EMB: variants seen among roughly 807,000 people sequenced by gnomAD.
EMB encodes embigin homolog.
Under a neutral mutation model 41.4 loss-of-function variants are expected in EMB, and 31 were observed. The ratio of observed to expected loss-of-function variants is 0.75; its 90% confidence interval spans 0.56 to 1.01. The LOEUF is 1.01. EMB is among the 50% of genes least tolerant of loss of function. The pLI is 0.00. For synonymous variants in EMB, 137 were observed against 140.4 expected (o/e 0.98, Z 0.17); for missense variants, 379 against 388.3 (o/e 0.98, Z 0.20).
intron 1 of EMB, among the ~76,000 whole-genome samples, chr5:50,439,753 A>T (rs1218243051): frequency 6.6e-6 from 1 of 152,216 alleles, no homozygotes; most frequent in Non-Finnish European, 1.5e-5. Context: ...CCTTTTGATT[A>T]TCCTTCCTTC....
At chr5:50,402,124 C>A (rs190758386) in intron 7 of EMB, among the ~76,000 whole-genome samples, 162 bp downstream of exon 7, 1 of 151,898 alleles carries the variant, frequency 6.6e-6, no homozygotes, top group African/African-American at 2.4e-5. Context: ...AGAATTCTCA[C>A]GCAGGTAGGC....
At chr5:50,413,265 A>C (rs1745374105) in intron 2 of EMB, among the ~76,000 whole-genome samples, 1 of 152,188 alleles carries the variant, frequency 6.6e-6, no homozygotes, top group African/African-American at 2.4e-5. Context: ...AAATCATACA[A>C]ATATACCATA....
intron 4 of EMB, among the ~76,000 whole-genome samples, chr5:50,406,337 CA>C (rs1224180291): frequency 4.0e-5 from 6 of 151,256 alleles, no homozygotes; most frequent in African/African-American, 1.5e-4. Context: ...GAACAAGGAA[CA>C]AAGGAAAATT....
In EMB at chr5:50,397,598, A is replaced by G. The variant is rs1251969810; in HGVS notation, c.*1675T>C. 6.6e-6 allele frequency: 1 copy of G among 152,130 alleles called. No homozygotes were observed. Among genetic ancestry groups the G allele is most frequent in the Non-Finnish European group, 1.5e-5 (1 of 68,010 alleles). 9.4% of individuals were successfully genotyped at this position (152,130 alleles called of 1,614,324 possible). A position where few individuals can be genotyped will look rare whatever the true frequency, so the allele number is the denominator to read the frequency against. On this transcript the variant is annotated 3_prime_UTR_variant, in exon 9 of 9. Coordinates refer to ENST00000303221, the MANE Select transcript of EMB (RefSeq NM_198449.3). The stretch of plus-strand genomic sequence containing the variant: ...TGTATTTAGTCAAACAGCAGATTTG[A>G]CTAATATTTCCCTGAATTCAAATAG...
upstream of EMB, among the ~76,000 whole-genome samples, chr5:50,442,227 T>A (rs1026775276): frequency 6.6e-6 from 1 of 151,956 alleles, no homozygotes; most frequent in African/African-American, 2.4e-5. Context: ...GGATTGGAAA[T>A]AACATGAGAC....
rs1187278269 is a variant in EMB at position 50,398,024 on chromosome 5, T to C, written c.*1249A>G. On this transcript the variant is annotated 3_prime_UTR_variant, in exon 9 of 9. Coordinates refer to ENST00000303221, the MANE Select transcript of EMB (RefSeq NM_198449.3). ...AAGTATTTCTTGTCAAATCATTGAA[T>C]TCCTCCTCCCCAACCTTTAAATTCC... 6.6e-6 allele frequency: 1 copy of C among 151,874 alleles called. No homozygotes were observed. Among genetic ancestry groups the C allele is most frequent in the Non-Finnish European group, 1.5e-5 (1 of 67,928 alleles). 9.4% of individuals were successfully genotyped at this position (151,874 alleles called of 1,614,324 possible). A position where few individuals can be genotyped will look rare whatever the true frequency, so the allele number is the denominator to read the frequency against.
At chr5:50,442,778 C>T (rs1311733379), upstream of EMB, among the ~76,000 whole-genome samples, 2 of 152,180 alleles carry the variant, frequency 1.3e-5, no homozygotes, top group Non-Finnish European at 2.9e-5. Flanking sequence ...TAACTGCACA[C>T]ATTTCCCTAT....
At chr5:50,420,778 G>A (rs888795310) in intron 2 of EMB, among the ~76,000 whole-genome samples, 2 of 152,160 alleles carry the variant, frequency 1.3e-5, no homozygotes, top group Non-Finnish European at 1.5e-5. Flanking sequence ...CTTAAAACAT[G>A]AATCACTTCT....
At chr5:50,409,027 C>A (rs1745291221) in intron 4 of EMB, among the ~76,000 whole-genome samples, 1 of 151,930 alleles carries the variant, frequency 6.6e-6, no homozygotes, top group Non-Finnish European at 1.5e-5. Flanking sequence ...ATTAGCTAAC[C>A]TAAACTGCTT....
intron 1 of EMB, among the ~76,000 whole-genome samples, chr5:50,436,917 A>AT (rs1181276824): frequency 6.6e-6 from 1 of 152,220 alleles, no homozygotes; most frequent in African/African-American, 2.4e-5. Context: ...TCAACATATA[A>AT]TTTTTTTGTG....
chr5:50,414,492 G>A (rs1056362762), intron 2 of EMB, among the ~76,000 whole-genome samples: 2 of 126,076 alleles, frequency 1.6e-5, no homozygotes, highest in East Asian at 2.4e-4. Context: ...ACTACTGCAC[G>A]CCAGGCAAGG....
Position 50,433,194 on chromosome 5 carries a change from T to C in EMB, c.113-4967A>G, listed in dbSNP as rs1424128418. 2.0e-5 allele frequency among the ~76,000 whole-genome samples: 3 copies of C among 152,068 alleles called. No individual in the cohort carries two copies. In the East Asian group the frequency reaches 5.8e-4, roughly 29 times the overall value. ...GAACTCTTGAACTCTTGATATTTTC[T>C]GCACAGTATGGAAGCTATTGGACAA... On this transcript the variant is annotated intron_variant, in intron 1 of 8. Transcript: ENST00000303221.
chr5:50,428,953 G>C (rs1352242769), intron 1 of EMB, among the ~76,000 whole-genome samples: 7 of 151,666 alleles, frequency 4.6e-5, no homozygotes, highest in Admixed American at 4.6e-4. Flanking sequence ...TGGAGTGCAG[G>C]GGCATGGTCT....
At chr5:50,432,977 C>T (rs1745745689) in intron 1 of EMB, among the ~76,000 whole-genome samples, 1 of 151,814 alleles carries the variant, frequency 6.6e-6, no homozygotes, top group African/African-American at 2.4e-5. Context: ...ACTTGGGAGG[C>T]TGAGACAGGA....
chr5:50,438,691 T>C (rs1745845945), intron 1 of EMB, among the ~76,000 whole-genome samples: 1 of 152,240 alleles, frequency 6.6e-6, no homozygotes, highest in East Asian at 1.9e-4. Flanking sequence ...ATACCGAATC[T>C]AGAAAACAAG....
rs1745117752 is a variant in EMB at position 50,399,150 on chromosome 5, T to A, written c.*123A>T. On this transcript the variant is annotated 3_prime_UTR_variant, in exon 9 of 9. Transcript: ENST00000303221. Reference sequence around the variant, plus strand: ...TCGTTGATGAAGCTCCTGCTGAGCATGTTGCATAAGCTTTTCATCCTTTTA... The same window carrying A: ...TCGTTGATGAAGCTCCTGCTGAGCAAGTTGCATAAGCTTTTCATCCTTTTA... 1 of 1,364,574 alleles carries A rather than the reference T, an allele frequency of 7.3e-7. No homozygotes were observed. The highest frequency in any genetic ancestry group is 9.9e-7 in the Non-Finnish European group (1 of 1,011,666). 84.5% of individuals were successfully genotyped at this position (1,364,574 alleles called of 1,614,324 possible). A position where few individuals can be genotyped will look rare whatever the true frequency, so the allele number is the denominator to read the frequency against.
intron 1 of EMB, among the ~76,000 whole-genome samples, chr5:50,435,380 G>A (rs1405724327): frequency 6.6e-6 from 1 of 152,016 alleles, no homozygotes; most frequent in Non-Finnish European, 1.5e-5. Flanking sequence ...TCCCTATAAC[G>A]CACTTGGTAG....
At chr5:50,429,334 CCCATT>C (rs1745676144) in intron 1 of EMB, among the ~76,000 whole-genome samples, 1 of 152,126 alleles carries the variant, frequency 6.6e-6, no homozygotes, top group South Asian at 2.1e-4. Flanking sequence ...TAAATTAAAT[CCCATT>C]CAATTTAAAT....
intron 2 of EMB, among the ~76,000 whole-genome samples, chr5:50,412,949 A>T (rs1296658684): frequency 7.2e-6 from 1 of 139,780 alleles, no homozygotes; most frequent in Non-Finnish European, 1.5e-5. Context: ...TAAAAAAAAA[A>T]AGGGTGCACT....
Sources: gnomAD v4.1 joint callset for allele counts (sites outside exome capture counted in the v4.1 genomes callset) on GRCh38, gnomAD v4.1.1 for gene constraint, MANE v1.5 for transcripts, NCBI Gene and HGNC (gene_info 2026-07-23, HGNC 2026-07-21) for gene names.